The following FKBP8 variants were observed in gnomAD, a reference collection of about 807,000 sequenced individuals.
The protein encoded by FKBP8 is peptidyl-prolyl cis-trans isomerase FKBP8.
Under a neutral mutation model 41.7 loss-of-function variants are expected in FKBP8, and 5 were observed. That is an observed-to-expected ratio of 0.12 (90% CI 0.06 to 0.25). The LOEUF is 0.25. Ranked by LOEUF, FKBP8 falls within the 10% of genes least tolerant of loss-of-function variation. The pLI is 1.00. For synonymous variants in FKBP8, 279 were observed against 254.5 expected (o/e 1.10, Z -0.92); for missense variants, 397 against 563.0 (o/e 0.71, Z 2.98).
At chr19:18,533,729 G>A (rs1976502686) in intron 6 of FKBP8, among the ~76,000 whole-genome samples, 1 of 151,530 alleles carries the variant, frequency 6.6e-6, no homozygotes, top group African/African-American at 2.4e-5. Context: ...AAAAAGGGTC[G>A]GGCGCAGTGG....
chr19:18,538,489 C>T lies in FKBP8; in HGVS notation c.552-53G>A. 1 of 1,493,636 alleles carries T rather than the reference C, an allele frequency of 6.7e-7. No individual in the cohort carries two copies. The highest frequency in any genetic ancestry group is 2.3e-5 in the East Asian group (1 of 42,888). 92.5% of individuals were successfully genotyped at this position (1,493,636 alleles called of 1,614,324 possible). ...GCACTCAGACCTGGTGACCCCTAAA[C>T]CCGCTGGGCTGGCTAGGAAGGAGTG... On this transcript the variant is annotated intron_variant, in intron 4 of 8. Coordinates refer to ENST00000608443, the MANE Select transcript of FKBP8 (RefSeq NM_012181.5). This position sits in a 1 kb window ranked among gnomAD's most constrained non-coding sequence, Gnocchi z 4.0.
chr19:18,542,755 A>G, intron 1 of FKBP8: 1 of 488,870 alleles, frequency 2.0e-6, no homozygotes, highest in Non-Finnish European at 3.5e-6. Context: ...AGGTCCCACC[A>G]CATTCTACAG....
In FKBP8 at chr19:18,538,274, G is replaced by A. The variant is rs1027995315; in HGVS notation, c.714C>T (p.Phe238=). 1.9e-5 allele frequency: 30 copies of A among 1,613,304 alleles called. No individual in the cohort carries two copies. The highest frequency in any genetic ancestry group is 2.7e-5 in the African/African-American group (2 of 74,924). ...CGNAHYQRAD[F]VLAANSYDLA... ...GGTCGTAGGAGTTGGCGGCCAGGAC[G>A]AAGTCCGCCCGCTGGTAGTGGGCGT... is the stretch of plus-strand genomic sequence containing the variant. The change falls in exon 5 of 9, where the codon TTC becomes TTT. Residue 238 remains phenylalanine, a synonymous_variant. Coordinates refer to ENST00000608443, the MANE Select transcript of FKBP8 (RefSeq NM_012181.5). This position sits in a 1 kb window ranked among gnomAD's most constrained non-coding sequence, Gnocchi z 4.0.
chr19:18,538,295 G>A lies in FKBP8; in HGVS notation c.693C>T (p.Ala231=). Residue 231 remains alanine (A), a synonymous_variant, in exon 5 of 9, where the codon GCC becomes GCT. Coordinates refer to ENST00000608443, the MANE Select transcript of FKBP8 (RefSeq NM_012181.5). This position sits in a 1 kb window ranked among gnomAD's most constrained non-coding sequence, Gnocchi z 4.0. Reference sequence around the variant, plus strand: ...GGACGAAGTCCGCCCGCTGGTAGTGGGCGTTGCCGCACTCCCGCTTCCGGT... The same window carrying A: ...GGACGAAGTCCGCCCGCTGGTAGTGAGCGTTGCCGCACTCCCGCTTCCGGT... ...LANRKRECGN[A]HYQRADFVLA... 8 of 1,613,584 alleles carry A rather than the reference G, an allele frequency of 5.0e-6. No individual in the cohort carries two copies. The highest frequency in any genetic ancestry group is 6.8e-6 in the Non-Finnish European group (8 of 1,179,884).
chr19:18,533,155 C>T lies in FKBP8; in HGVS notation c.1023+115G>A, dbSNP rs1360082354. On this transcript the variant is annotated intron_variant, in intron 7 of 8. Transcript: ENST00000608443. The stretch of plus-strand genomic sequence containing the variant: ...ACCAGGACCCTTCAGGTACCTACTC[C>T]GTGCCACTGCCCAGGTGGGAACACA... The T allele has an allele frequency of 2.6e-5, 26 of 998,814 alleles. No individual in the cohort carries two copies. In the East Asian group the frequency reaches 2.7e-4, roughly 10 times the overall value. The allele number at this position is 998,814 out of a possible 1,614,324, so 61.9% of individuals were successfully genotyped here. A position where few individuals can be genotyped will look rare whatever the true frequency, so the allele number is the denominator to read the frequency against.
Position 18,537,877 on chromosome 19 carries a change from T to C in FKBP8, c.773-104A>G, listed in dbSNP as rs1976615144. ...GCCTCTCTGGCCTCAGTTTCCCCAA[T>C]TTTAACCCCGGACCAAGGGCCACGC... is the stretch of plus-strand genomic sequence containing the variant. On this transcript the variant is annotated intron_variant, in intron 5 of 8. Coordinates refer to ENST00000608443, the MANE Select transcript of FKBP8 (RefSeq NM_012181.5). This position sits in a 1 kb window ranked among gnomAD's most constrained non-coding sequence, Gnocchi z 4.4. 7.7e-7 allele frequency: 1 copy of C among 1,298,122 alleles called. No homozygotes were observed. The highest frequency in any genetic ancestry group is 1.1e-6 in the Non-Finnish European group (1 of 944,582). The allele number at this position is 1,298,122 out of a possible 1,614,324, so 80.4% of individuals were successfully genotyped here.
chr19:18,541,044 T>G (rs1333936393), intron 2 of FKBP8, among the ~76,000 whole-genome samples: 2 of 152,144 alleles, frequency 1.3e-5, no homozygotes, highest in African/African-American at 4.8e-5. Context: ...TTATTTGGTA[T>G]ATTAGATATC....
Position 18,532,547 on chromosome 19 carries a change from G to A in FKBP8, c.1155+117C>T, listed in dbSNP as rs927714574. ...TCACACAGGGCTGGGCTCTCTCCAC[G>A]TCCCCTGCATCGCCCAGGACGGCCC... On this transcript the variant is annotated intron_variant, in intron 8 of 8. Transcript: ENST00000608443. The A allele has an allele frequency of 1.2e-5, 17 of 1,448,762 alleles. No homozygotes were observed. The East Asian group carries it at 2.1e-4, about 18-fold the overall frequency. 89.7% of individuals were successfully genotyped at this position (1,448,762 alleles called of 1,614,324 possible).
chr19:18,534,544 C>T (rs80351300), intron 6 of FKBP8, among the ~76,000 whole-genome samples: 3,492 of 152,060 alleles, frequency 0.023, 53 homozygotes, highest in Middle Eastern at 0.058. Flanking sequence ...CCTCCACTGG[C>T]GAGAGGCCGA....
chr19:18,542,975 C>G (rs1976743357), intron 1 of FKBP8: 1 of 1,045,508 alleles, frequency 9.6e-7, no homozygotes. Context: ...CACAATTCGG[C>G]CTCCCCTCCC....
intron 2 of FKBP8, among the ~76,000 whole-genome samples, chr19:18,541,335 T>C (rs970877693): frequency 3.9e-5 from 6 of 152,132 alleles, no homozygotes; most frequent in Non-Finnish European, 8.8e-5. Context: ...AGGACACATT[T>C]TTCAGAGCCC....
At chr19:18,535,865 G>T (rs1268112744) in intron 6 of FKBP8, 2 of 152,038 alleles carry the variant, frequency 1.3e-5, no homozygotes, top group Non-Finnish European at 2.9e-5. Flanking sequence ...CCACAATATT[G>T]TGAGTGCCTG....
At chr19:18,542,264 G>C in intron 1 of FKBP8, 1 of 382,446 alleles carries the variant, frequency 2.6e-6, no homozygotes. Flanking sequence ...CCAGGAAGTA[G>C]GGAAGATTCC....
rs756861737 is a variant in FKBP8 at position 18,533,261 on chromosome 19, C to A, written c.1023+9G>T. ...CGAGCAAGTCCCAGGGCACCCCTGT[C>A]CTGCTCACCTTGTTGGAAGGTTCCA... is the stretch of plus-strand genomic sequence containing the variant. On this transcript the variant is annotated intron_variant, in intron 7 of 8. Transcript: ENST00000608443. 2 of 1,583,112 alleles carry A rather than the reference C, an allele frequency of 1.3e-6. No individual in the cohort carries two copies. Among genetic ancestry groups the A allele is most frequent in the South Asian group, 1.2e-5 (1 of 86,414 alleles).
At chr19:18,532,886 G>T in intron 7 of FKBP8, 91 bp from the exon 8 acceptor site, 1 of 1,549,526 alleles carries the variant, frequency 6.5e-7, no homozygotes, top group Non-Finnish European at 8.7e-7. Flanking sequence ...TGTTTGGGTG[G>T]TGGGACTGTT....
intron 7 of FKBP8, 40 bp downstream of exon 7, chr19:18,533,230 C>A (rs776581034): frequency 8.6e-6 from 13 of 1,513,394 alleles, no homozygotes; most frequent in Non-Finnish European, 1.2e-5. Context: ...GGAGGGACTT[C>A]CCAGCCGAGC....
At position 18,538,155 on chromosome 19, in the gene FKBP8, T is replaced by C; in HGVS notation, c.772+61A>G. The stretch of plus-strand genomic sequence containing the variant: ...TCTGAGGCTCTCTGGGGCTGGAAGT[T>C]TCTGGCACGGAGTGGACACCTTTGC... On this transcript the variant is annotated intron_variant, in intron 5 of 8. Transcript: ENST00000608443. This position sits in a 1 kb window ranked among gnomAD's most constrained non-coding sequence, Gnocchi z 4.0. 1 of 1,508,766 alleles carries C rather than the reference T, an allele frequency of 6.6e-7. No individual in the cohort carries two copies. The allele number at this position is 1,508,766 out of a possible 1,614,324, so 93.5% of individuals were successfully genotyped here. A position where few individuals can be genotyped will look rare whatever the true frequency, so the allele number is the denominator to read the frequency against.
rs763584828 is a variant in FKBP8 at position 18,541,732 on chromosome 19, A to G, written c.239T>C (p.Met80Thr). ...GALAREFLAAMEPEPAPAPAP... is the reference protein window; with the variant it reads ...GALAREFLAATEPEPAPAPAP... ...CGGGGCTGGGGCGGGCTCGGGCTCC[A>G]TGGCAGCAAGGAACTCTCGGGCCAG... The change falls in exon 2 of 9, where the codon ATG becomes ACG. Residue 80 changes from methionine to threonine, a missense_variant. Physicochemically the swap from Met to Thr is moderately conservative, Grantham distance 81 (BLOSUM62 -1). This residue lies in a region of FKBP8 where 172 missense variants were observed against 196.2 expected (regional missense o/e 0.88). Coordinates refer to ENST00000608443, the MANE Select transcript of FKBP8 (RefSeq NM_012181.5). 4.3e-6 allele frequency: 7 copies of G among 1,613,590 alleles called. No homozygotes were observed.
Position 18,537,792 on chromosome 19 carries a change from C to A in FKBP8, c.773-19G>T. The stretch of plus-strand genomic sequence containing the variant: ...ATGTCCACTATTGGGAGACAGTGCC[C>A]GCCACGGCAGCCGTCACCATGCCAC... On this transcript the variant is annotated intron_variant, in intron 5 of 8. Coordinates refer to ENST00000608443, the MANE Select transcript of FKBP8 (RefSeq NM_012181.5). The surrounding 1 kb of genome is among the most constrained non-coding windows in gnomAD (Gnocchi z 4.4). 6.3e-7 allele frequency: 1 copy of A among 1,590,360 alleles called. No homozygotes were observed. The highest frequency in any genetic ancestry group is 8.6e-7 in the Non-Finnish European group (1 of 1,163,970).
Sources: allele counts gnomAD v4.1 joint callset (sites outside exome capture counted in the v4.1 genomes callset), GRCh38; gene constraint gnomAD v4.1.1; regional missense constraint gnomAD v4.1.1; non-coding constraint Gnocchi (gnomAD v3.1); transcripts MANE v1.5; gene names NCBI Gene and HGNC (gene_info 2026-07-23, HGNC 2026-07-21).